ETHE1: variants seen among roughly 807,000 people sequenced by gnomAD.
ETHE1 encodes ETHE1 persulfide dioxygenase.
Under a neutral mutation model 25.7 loss-of-function variants are expected in ETHE1, and 16 were observed. The ratio of observed to expected loss-of-function variants is 0.62; its 90% confidence interval spans 0.42 to 0.95. ETHE1 has a LOEUF of 0.95. Ranked by LOEUF, ETHE1 falls within the 40% of genes least tolerant of loss-of-function variation. The pLI is 0.00. For missense variants in ETHE1, 300 were observed against 333.6 expected (o/e 0.90, Z 0.79); for synonymous variants, 139 against 135.9 (o/e 1.02, Z -0.16).
At chr19:43,507,397 T>C (rs1971802667) in intron 6 of ETHE1, among the ~76,000 whole-genome samples, 1 of 30,326 alleles carries the variant, frequency 3.3e-5, no homozygotes, top group Non-Finnish European at 5.9e-5. Context: ...CCCCAGCTCC[T>C]CCTCCCCCAG....
intron 3 of ETHE1, 140 bp from the exon 4 acceptor site, chr19:43,511,706 A>G (rs1971922302): frequency 1.1e-6 from 1 of 946,542 alleles, no homozygotes; most frequent in Non-Finnish European, 1.5e-6. Context: ...CTGTAATCTT[A>G]TATTATCAGA....
At chr19:43,521,516 G>A (rs1030997695) in intron 3 of ETHE1, among the ~76,000 whole-genome samples, 2 of 151,958 alleles carry the variant, frequency 1.3e-5, no homozygotes, top group African/African-American at 4.8e-5. Flanking sequence ...AAGGCAGCCA[G>A]CTAATCCTTG....
At chr19:43,508,175 T>C (rs764310883) in intron 5 of ETHE1, 115 bp from the exon 6 acceptor site, 146 of 1,507,480 alleles carry the variant, frequency 9.7e-5, no homozygotes, top group Non-Finnish European at 1.2e-4. Flanking sequence ...TCCCAGAATA[T>C]TCCTAAAATT....
At position 43,511,448 on chromosome 19, in the gene ETHE1, T is replaced by C. The variant is rs756235299; in HGVS notation, c.494A>G (p.Asp165Gly). 2.3e-5 allele frequency: 37 copies of C among 1,614,058 alleles called. No homozygotes were observed. Among genetic ancestry groups the C allele is most frequent in the Non-Finnish European group, 3.0e-5 (35 of 1,180,028 alleles). Residue 165 changes from aspartate (D) to glycine (G), a missense_variant, in exon 4 of 7, where the codon GAC (aspartate) becomes GGC (glycine). Coordinates refer to ENST00000292147, the MANE Select transcript of ETHE1 (RefSeq NM_014297.5). ...AAGGAGCTGGTCACCTTGCTGGAAG[T>C]CTGTCCGCCCACACCCACGGATCAA... is the stretch of plus-strand genomic sequence containing the variant. Reference protein sequence around the residue: ...ALLIRGCGRTDFQQGCAKTLY... With the variant: ...ALLIRGCGRTGFQQGCAKTLY...
intron 3 of ETHE1, among the ~76,000 whole-genome samples, chr19:43,520,033 G>A (rs1377535856): frequency 4.9e-5 from 7 of 143,810 alleles, no homozygotes; most frequent in African/African-American, 7.9e-5. Flanking sequence ...ACAACATAGC[G>A]AGACCCCCAC....
intron 3 of ETHE1, among the ~76,000 whole-genome samples, chr19:43,524,328 T>C (rs548455394): frequency 2.3e-4 from 33 of 145,108 alleles, no homozygotes; most frequent in Non-Finnish European, 4.3e-4. Context: ...GAGGTTGCAG[T>C]AAACCAAGAT....
At chr19:43,508,935 G>A in intron 4 of ETHE1, 71 bp from the exon 5 acceptor site, 1 of 1,167,730 alleles carries the variant, frequency 8.6e-7, no homozygotes, top group Non-Finnish European at 1.3e-6. Context: ...TTCAAGAAAA[G>A]GGTAGGAGGA....
At chr19:43,509,825 T>C (rs953307591) in intron 4 of ETHE1, among the ~76,000 whole-genome samples, 6 of 151,968 alleles carry the variant, frequency 3.9e-5, no homozygotes, top group African/African-American at 1.4e-4. Flanking sequence ...AGAAAGAAAC[T>C]GCAGACATGA....
chr19:43,507,158 T>C (rs1303604693), intron 6 of ETHE1, among the ~76,000 whole-genome samples: 11 of 22,002 alleles, frequency 5.0e-4, no homozygotes, highest in Admixed American at 3.8e-3. Context: ...GACCCAGGAG[T>C]CCAGTCCCCC....
intron 3 of ETHE1, among the ~76,000 whole-genome samples, chr19:43,524,059 A>C (rs1467978722): frequency 2.0e-5 from 3 of 152,054 alleles, no homozygotes; most frequent in African/African-American, 7.2e-5. Context: ...AATACGGAGA[A>C]ACCCCGTCTC....
chr19:43,525,307 A>AC (rs1394415640), intron 3 of ETHE1, among the ~76,000 whole-genome samples: 3 of 152,138 alleles, frequency 2.0e-5, no homozygotes, highest in African/African-American at 7.2e-5. Context: ...AGCTTCTGTA[A>AC]CCATTGTAGC....
chr19:43,515,990 A>G (rs1474514879), intron 3 of ETHE1, among the ~76,000 whole-genome samples: 1 of 152,138 alleles, frequency 6.6e-6, no homozygotes, highest in Admixed American at 6.6e-5. Flanking sequence ...TCATGTCCTG[A>G]GTGGGATGGT....
rs369900465 is a variant in ETHE1 at position 43,513,348 on chromosome 19, G to A, written c.376-1782C>T. 3.3e-5 allele frequency among the ~76,000 whole-genome samples: 5 copies of A among 151,928 alleles called. No individual in the cohort carries two copies. The East Asian group carries it at 9.7e-4, about 29-fold the overall frequency. ...GATCCACCGAGAGCTTGCACCATGTGCCTGGAAAAGCCACAGATACTCCAC... is the reference window on the plus strand; with the variant it reads ...GATCCACCGAGAGCTTGCACCATGTACCTGGAAAAGCCACAGATACTCCAC... On this transcript the variant is annotated intron_variant, in intron 3 of 6. Transcript: ENST00000292147.
chr19:43,524,389 TAA>T (rs771352458), intron 3 of ETHE1, among the ~76,000 whole-genome samples: 76 of 83,082 alleles, frequency 9.1e-4, no homozygotes, highest in African/African-American at 1.4e-3. Flanking sequence ...TGTCTCAAAT[TAA>T]AAAAAAAAAA....
intron 3 of ETHE1, among the ~76,000 whole-genome samples, chr19:43,523,740 A>G (rs1972182360): frequency 6.6e-6 from 1 of 150,914 alleles, no homozygotes; most frequent in African/African-American, 2.4e-5. Flanking sequence ...GTTTGAGACC[A>G]GCCTGGCCAA....
Position 43,511,540 on chromosome 19 carries a change from G to A in ETHE1, c.402C>T (p.Gly134=), listed in dbSNP as rs756287536. ...RFALETRASP[G]HTPGCVTFVL... is the part of the protein sequence containing the mutation. Reference sequence around the variant, plus strand: ...CGAAGGTGACACAGCCTGGGGTGTGGCCAGGGCTGGCCCTGGTCTCCAACG... The same window carrying A: ...CGAAGGTGACACAGCCTGGGGTGTGACCAGGGCTGGCCCTGGTCTCCAACG... Residue 134 remains glycine (G), a synonymous_variant, in exon 4 of 7, where the codon GGC becomes GGT. Transcript: ENST00000292147. 4 of 1,613,924 alleles carry A rather than the reference G, an allele frequency of 2.5e-6. No homozygotes were observed. Among genetic ancestry groups the A allele is most frequent in the Non-Finnish European group, 3.4e-6 (4 of 1,180,012 alleles).
Position 43,506,778 on chromosome 19 carries a change from G to T in ETHE1, c.*72C>A, listed in dbSNP as rs1382032200. 1.5e-6 allele frequency: 2 copies of T among 1,351,708 alleles called. No homozygotes were observed. The highest frequency in any genetic ancestry group is 1.1e-6 in the Non-Finnish European group (1 of 943,314). 83.7% of individuals were successfully genotyped at this position (1,351,708 alleles called of 1,614,324 possible). On this transcript the variant is annotated 3_prime_UTR_variant, in exon 7 of 7. Transcript: ENST00000292147. ...GGGAATGCGGTGGGAAAGGAGAGGT[G>T]CAGTGTCATTGCCGCCCTCTCCTCC...
chr19:43,516,027 C>T (rs955524239), intron 3 of ETHE1, among the ~76,000 whole-genome samples: 1 of 152,122 alleles, frequency 6.6e-6, no homozygotes, highest in African/African-American at 2.4e-5. Flanking sequence ...CTACTCAGAA[C>T]GATGTACAAT....
At chr19:43,508,901 G>T in intron 4 of ETHE1, 37 bp from the exon 5 acceptor site, 2 of 1,498,378 alleles carry the variant, frequency 1.3e-6, no homozygotes, top group Non-Finnish European at 9.2e-7. Flanking sequence ...TGGATCAACA[G>T]GACAGAAGAC....
Sources: allele counts gnomAD v4.1 joint callset (sites outside exome capture counted in the v4.1 genomes callset), GRCh38; gene constraint gnomAD v4.1.1; transcripts MANE v1.5; gene names NCBI Gene and HGNC (gene_info 2026-07-23, HGNC 2026-07-21).